NAP1L4: variants seen among roughly 807,000 people sequenced by gnomAD.
NAP1L4 encodes nucleosome assembly protein 1-like 4.
A neutral mutation model predicts 58.2 loss-of-function variants in NAP1L4; 15 were observed. The ratio of observed to expected loss-of-function variants is 0.26; its 90% CI spans 0.17 to 0.40. The LOEUF is 0.40. NAP1L4 is among the 10% of genes least tolerant of loss of function. The pLI is 1.00. For missense variants in NAP1L4, 384 were observed against 451.1 expected (o/e 0.85, Z 1.35); for synonymous variants, 171 against 155.6 (o/e 1.10, Z -0.74).
chr11:2,987,334 G>T (rs575768477), intron 1 of NAP1L4, among the ~76,000 whole-genome samples: 5 of 151,728 alleles, frequency 3.3e-5, no homozygotes, highest in South Asian at 2.1e-4. Context: ...GTGGAGTCTC[G>T]CTCTGTCACC....
intron 15 of NAP1L4, among the ~76,000 whole-genome samples, chr11:2,947,078 T>C (rs1845977093): frequency 6.6e-6 from 1 of 152,164 alleles, no homozygotes; most frequent in African/African-American, 2.4e-5. Context: ...ACGCAAATAC[T>C]ATGTCATGTC....
intron 1 of NAP1L4, chr11:2,991,092 C>G (rs1458430103): frequency 8.8e-6 from 4 of 456,440 alleles, no homozygotes; most frequent in South Asian, 1.5e-5. Flanking sequence ...ACGATTCCTC[C>G]GAGAACATAA....
Position 2,969,846 on chromosome 11 carries a change from A to T in NAP1L4, c.491T>A (p.Phe164Tyr). 1 of 1,613,988 alleles carries T rather than the reference A, an allele frequency of 6.2e-7. No individual in the cohort carries two copies. The highest frequency in any genetic ancestry group is 8.5e-7 in the Non-Finnish European group (1 of 1,179,886). Residue 164 changes from phenylalanine (F) to tyrosine (Y), a missense_variant, in exon 7 of 16, where the codon TTT (phenylalanine) becomes TAT (tyrosine). Phe to Tyr is a conservative substitution (Grantham distance 22). Coordinates refer to ENST00000380542, the MANE Select transcript of NAP1L4 (RefSeq NM_005969.4). Reference protein sequence around the residue: ...PDPKGIPEFWFTIFRNVDMLS... With the variant: ...PDPKGIPEFWYTIFRNVDMLS... ...CATGTCCACATTTCTGAAGATGGTA[A>T]ACCAGAACTCTGGAATTCCTTTGGG... is the stretch of plus-strand genomic sequence containing the variant.
chr11:2,951,088 T>A lies in NAP1L4; in HGVS notation c.1122+171A>T. On this transcript the variant is annotated intron_variant, in intron 14 of 15. Coordinates refer to ENST00000380542, the MANE Select transcript of NAP1L4 (RefSeq NM_005969.4). The surrounding 1 kb of genome is among the most constrained non-coding windows in gnomAD (Gnocchi z 4.0). ...GAGTATGTACACTCAACACTCAAAT[T>A]ATAGACACAGTGTCTGAATAATCAT... 1.5e-6 allele frequency: 1 copy of A among 663,726 alleles called. No individual in the cohort carries two copies. 41.1% of individuals were successfully genotyped at this position (663,726 alleles called of 1,614,324 possible). A position where few individuals can be genotyped will look rare whatever the true frequency, so the allele number is the denominator to read the frequency against.
At position 2,949,181 on chromosome 11, in the gene NAP1L4, T is replaced by C; in HGVS notation, c.*32+46A>G. Reference sequence around the variant, plus strand: ...TCAAAACAATGCATTGTATAAAGTATAGATCAGAAGTTTGGAAGTTAGGTA... The same window carrying C: ...TCAAAACAATGCATTGTATAAAGTACAGATCAGAAGTTTGGAAGTTAGGTA... On this transcript the variant is annotated intron_variant, in intron 15 of 15. Transcript: ENST00000380542. This position sits in a 1 kb window ranked among gnomAD's most constrained non-coding sequence, Gnocchi z 4.0. The C allele has an allele frequency of 2.8e-6, 4 of 1,446,310 alleles. No homozygotes were observed. The highest frequency in any genetic ancestry group is 1.8e-4 in the Middle Eastern group (1 of 5,692). The allele number at this position is 1,446,310 out of a possible 1,614,324, so 89.6% of individuals were successfully genotyped here.
chr11:2,989,001 C>T (rs1848804536), intron 1 of NAP1L4: 1 of 152,322 alleles, frequency 6.6e-6, no homozygotes, highest in Non-Finnish European at 1.5e-5. Flanking sequence ...CAAACTATTT[C>T]TTAAAAATTT....
At chr11:2,958,991 C>T (rs1846709550) in intron 9 of NAP1L4, 1 of 179,614 alleles carries the variant, frequency 5.6e-6, no homozygotes, top group Non-Finnish European at 1.2e-5. Context: ...ACCACTCCAG[C>T]CCCAGGGATG....
chr11:2,986,762 T>G (rs1298499424), intron 1 of NAP1L4, among the ~76,000 whole-genome samples: 1 of 150,064 alleles, frequency 6.7e-6, no homozygotes, highest in Non-Finnish European at 1.5e-5. Flanking sequence ...GAGTTACAGG[T>G]GCCCACCACC....
intron 8 of NAP1L4, among the ~76,000 whole-genome samples, chr11:2,963,110 A>AAAAAG (rs796660490): frequency 1.1e-3 from 166 of 150,692 alleles, no homozygotes; most frequent in African/African-American, 3.8e-3. Context: ...AAAAAAAAAA[A>AAAAAG]AAAAAGAAAA....
In NAP1L4 at chr11:2,955,355, C is replaced by T. The variant is rs1846473461; in HGVS notation, c.915+389G>A. Among the ~76,000 whole-genome samples, 2 of 149,812 alleles carry T rather than the reference C, an allele frequency of 1.3e-5. No individual in the cohort carries two copies. The highest frequency in any genetic ancestry group is 2.1e-4 in the South Asian group (1 of 4,800). On this transcript the variant is annotated intron_variant, in intron 11 of 15. Transcript: ENST00000380542. This position sits in a 1 kb window ranked among gnomAD's most constrained non-coding sequence, Gnocchi z 4.2. ...GAGATTACAGGCGCTGCCACCGTGT[C>T]CAACTAATTTTTTTTTTTTTTGGTA... is the stretch of plus-strand genomic sequence containing the variant.
chr11:2,963,376 C>T (rs955290765), intron 8 of NAP1L4, among the ~76,000 whole-genome samples: 1 of 152,164 alleles, frequency 6.6e-6, no homozygotes, highest in Non-Finnish European at 1.5e-5. Context: ...AGAAGTGATG[C>T]AAGCCCAGGA....
chr11:2,955,854 G>T lies in NAP1L4; in HGVS notation c.893-88C>A. 1 of 1,228,134 alleles carries T rather than the reference G, an allele frequency of 8.1e-7. No individual in the cohort carries two copies. The highest frequency in any genetic ancestry group is 1.9e-4 in the Middle Eastern group (1 of 5,186). 76.1% of individuals were successfully genotyped at this position (1,228,134 alleles called of 1,614,324 possible). On this transcript the variant is annotated intron_variant, in intron 10 of 15. Coordinates refer to ENST00000380542, the MANE Select transcript of NAP1L4 (RefSeq NM_005969.4). The surrounding 1 kb of genome is among the most constrained non-coding windows in gnomAD (Gnocchi z 4.2). Reference sequence around the variant, plus strand: ...CACACAGGAGGAAGCTGTGCTGGTAGATAAAATGTAACATTTCTCACCTCG... The same window carrying T: ...CACACAGGAGGAAGCTGTGCTGGTATATAAAATGTAACATTTCTCACCTCG...
intron 14 of NAP1L4, among the ~76,000 whole-genome samples, chr11:2,950,178 C>T (rs537813166): frequency 5.2e-5 from 8 of 152,398 alleles, no homozygotes; most frequent in African/African-American, 1.4e-4. Context: ...CCCACCACCA[C>T]GGTGCTGCGC....
At chr11:2,986,411 G>C (rs1464439995) in intron 1 of NAP1L4, among the ~76,000 whole-genome samples, 4 of 151,252 alleles carry the variant, frequency 2.6e-5, no homozygotes, top group African/African-American at 9.7e-5. Context: ...AAAAAAAATT[G>C]GGCCACGTTT....
Position 2,954,816 on chromosome 11 carries a change from C to T in NAP1L4, c.916-170G>A, listed in dbSNP as rs1846438292. ...GACACTCAAAGCCCCTTTAAAACAA[C>T]TTTAAGTAGCTTTAAAGAGCTACTG... On this transcript the variant is annotated intron_variant, in intron 11 of 15. Coordinates refer to ENST00000380542, the MANE Select transcript of NAP1L4 (RefSeq NM_005969.4). The surrounding 1 kb of genome is among the most constrained non-coding windows in gnomAD (Gnocchi z 4.8). 9.0e-6 allele frequency: 7 copies of T among 781,480 alleles called. No homozygotes were observed. The South Asian group carries it at 1.2e-4, about 13-fold the overall frequency. The allele number at this position is 781,480 out of a possible 1,614,324, so 48.4% of individuals were successfully genotyped here.
rs749162032 is a variant in NAP1L4 at position 2,971,018 on chromosome 11, C to T, written c.402+430G>A. Among the ~76,000 whole-genome samples the T allele has an allele frequency of 6.6e-6, 1 of 152,146 alleles. No individual in the cohort carries two copies. The highest frequency in any genetic ancestry group is 1.5e-5 in the Non-Finnish European group (1 of 68,038). Reference sequence around the variant, plus strand: ...AGGCTGTGAGCAGGTGACTGATGGCCACACCACAACCACCATCTGCAACCA... The same window carrying T: ...AGGCTGTGAGCAGGTGACTGATGGCTACACCACAACCACCATCTGCAACCA... On this transcript the variant is annotated intron_variant, in intron 6 of 15. Coordinates refer to ENST00000380542, the MANE Select transcript of NAP1L4 (RefSeq NM_005969.4). The surrounding 1 kb of genome is among the most constrained non-coding windows in gnomAD (Gnocchi z 4.2).
At position 2,951,534 on chromosome 11, in the gene NAP1L4, A is replaced by G. The variant is rs77813150; in HGVS notation, c.1066-219T>C. Among the ~76,000 whole-genome samples the G allele has an allele frequency of 6.6e-5, 10 of 152,334 alleles. No individual in the cohort carries two copies. The highest frequency in any genetic ancestry group is 6.2e-4 in the South Asian group (3 of 4,824). ...AAGAAACAAAATTCTGAAAAAGTAG[A>G]TTTTGTTAAATGATTATTTTCTAAG... On this transcript the variant is annotated intron_variant, in intron 13 of 15. Coordinates refer to ENST00000380542, the MANE Select transcript of NAP1L4 (RefSeq NM_005969.4). This position sits in a 1 kb window ranked among gnomAD's most constrained non-coding sequence, Gnocchi z 4.0.
chr11:2,974,892 G>C (rs1353942032), intron 4 of NAP1L4, among the ~76,000 whole-genome samples: 1 of 152,174 alleles, frequency 6.6e-6, no homozygotes, highest in African/African-American at 2.4e-5. Context: ...GCTGGGAGTG[G>C]TGGCGTGCAC....
intron 8 of NAP1L4, among the ~76,000 whole-genome samples, chr11:2,964,454 T>C (rs1365125414): frequency 6.6e-6 from 1 of 152,124 alleles, no homozygotes; most frequent in African/African-American, 2.4e-5. Flanking sequence ...ACGACTACAG[T>C]GCCAAGCATG....
Sources: allele counts gnomAD v4.1 joint callset (sites outside exome capture counted in the v4.1 genomes callset), GRCh38; gene constraint gnomAD v4.1.1; non-coding constraint Gnocchi (gnomAD v3.1); transcripts MANE v1.5; gene names NCBI Gene and HGNC (gene_info 2026-07-23, HGNC 2026-07-21).